The following MAN1A2 variants were observed in gnomAD, a reference collection of about 807,000 sequenced individuals.
MAN1A2 encodes mannosidase alpha class 1A member 2, also known as mannosyl-oligosaccharide 1,2-alpha-mannosidase IB.
MAN1A2 carries 26 observed loss-of-function variants against 75.7 expected under a neutral mutation model. The observed-to-expected ratio is 0.34, with a 90% CI of 0.25 to 0.48. The LOEUF (loss-of-function observed/expected upper bound fraction) is 0.48. Ranked by LOEUF, MAN1A2 falls within the 20% of genes least tolerant of loss-of-function variation. The pLI is 0.99. For missense variants in MAN1A2, 562 were observed against 775.5 expected (o/e 0.72, Z 3.27); for synonymous variants, 247 against 264.6 (o/e 0.93, Z 0.65).
chr1:117,464,724 C>T (rs1387773406), intron 7 of MAN1A2, among the ~76,000 whole-genome samples: 4 of 151,974 alleles, frequency 2.6e-5, no homozygotes, highest in East Asian at 1.9e-4. Context: ...TTTGCGCCTG[C>T]GAACTTTGGT....
chr1:117,407,972 G>C (rs1208376012), intron 3 of MAN1A2, among the ~76,000 whole-genome samples: 1 of 152,140 alleles, frequency 6.6e-6, no homozygotes, highest in African/African-American at 2.4e-5. Flanking sequence ...ATTAGGTCTT[G>C]TGCCCATTGT....
intron 1 of MAN1A2, among the ~76,000 whole-genome samples, chr1:117,397,484 G>A (rs548127525): frequency 5.9e-5 from 9 of 152,080 alleles, no homozygotes; most frequent in African/African-American, 1.7e-4. Flanking sequence ...ATGCTAACAC[G>A]AAGTTAATAG....
rs115957785 is a variant in MAN1A2 at position 117,478,677 on chromosome 1, T to C, written c.1168+12250T>C. Among the ~76,000 whole-genome samples the C allele has an allele frequency of 7.4e-3, 1,119 of 152,132 alleles. 18 individuals are homozygous for C. Among genetic ancestry groups the C allele is most frequent in the African/African-American group, 0.026 (1,071 of 41,554 alleles). ...TCATTGGTTGAAAAGGCTTTCCTTTTTTCACTGCATTGCCTTTGCAGCTTT... is the reference window on the plus strand; with the variant it reads ...TCATTGGTTGAAAAGGCTTTCCTTTCTTCACTGCATTGCCTTTGCAGCTTT... On this transcript the variant is annotated intron_variant, in intron 8 of 12. Coordinates refer to ENST00000356554, the MANE Select transcript of MAN1A2 (RefSeq NM_006699.5).
At chr1:117,481,334 A>G (rs1650489936) in intron 8 of MAN1A2, among the ~76,000 whole-genome samples, 1 of 151,594 alleles carries the variant, frequency 6.6e-6, no homozygotes, top group Non-Finnish European at 1.5e-5. Context: ...AAAAAAAAGG[A>G]ATAGTCTATT....
chr1:117,458,497 C>CTATATA (rs1257024902), intron 6 of MAN1A2, among the ~76,000 whole-genome samples: 18 of 103,784 alleles, frequency 1.7e-4, no homozygotes, highest in African/African-American at 5.9e-4. Context: ...ATATATATAT[C>CTATATA]TATATATATA....
intron 2 of MAN1A2, among the ~76,000 whole-genome samples, chr1:117,402,680 C>T (rs994197144): frequency 3.3e-5 from 5 of 151,364 alleles, no homozygotes; most frequent in Admixed American, 2.0e-4. Flanking sequence ...TGGTTAGTGC[C>T]ACTCATTCTT....
At chr1:117,391,482 G>GTTTATCATTGTTA (rs1653717240) in intron 1 of MAN1A2, among the ~76,000 whole-genome samples, 1 of 152,128 alleles carries the variant, frequency 6.6e-6, no homozygotes, top group African/African-American at 2.4e-5. Context: ...GGTGTGTGAC[G>GTTTATCATTGTTA]TTTATCATTG....
intron 12 of MAN1A2, among the ~76,000 whole-genome samples, chr1:117,510,259 G>A (rs1267690743): frequency 2.6e-5 from 4 of 151,962 alleles, no homozygotes; most frequent in African/African-American, 7.2e-5. Context: ...ATGTGCATTT[G>A]ACATAACTAT....
rs1653485708 is a variant in MAN1A2 at position 117,385,239 on chromosome 1, GA to G, written c.302+16755del. Among the ~76,000 whole-genome samples the G allele has an allele frequency of 2.0e-5, 3 of 152,264 alleles. No homozygotes were observed. The South Asian group carries it at 6.2e-4, about 32-fold the overall frequency. On this transcript the variant is annotated intron_variant, in intron 1 of 12. Transcript: ENST00000356554. ...GGTTTTGCCCCAGGTAGATGAGCAG[GA>G]GGGCATCTTTCCAGTAGTAACAGAG...
intron 3 of MAN1A2, 73 bp from the exon 4 acceptor site, chr1:117,414,640 T>G (rs1647929540): frequency 1.3e-6 from 1 of 747,114 alleles, no homozygotes; most frequent in South Asian, 1.6e-5. Context: ...AAGGGAATCT[T>G]TTTTTTCCCC....
chr1:117,431,797 A>G (rs1193657116), intron 5 of MAN1A2, among the ~76,000 whole-genome samples: 2 of 152,140 alleles, frequency 1.3e-5, no homozygotes, highest in Non-Finnish European at 2.9e-5. Context: ...AACAAATACA[A>G]AAATTAGCCG....
intron 7 of MAN1A2, among the ~76,000 whole-genome samples, chr1:117,464,931 C>T (rs1649937374): frequency 6.6e-6 from 1 of 151,732 alleles, no homozygotes; most frequent in African/African-American, 2.4e-5. Flanking sequence ...AAAGATATTA[C>T]CAGAAAAAAG....
At chr1:117,519,821 TC>T (rs1651819271) in intron 12 of MAN1A2, among the ~76,000 whole-genome samples, 1 of 151,962 alleles carries the variant, frequency 6.6e-6, no homozygotes, top group Non-Finnish European at 1.5e-5. Flanking sequence ...CCTCCCTAAT[TC>T]ATTCTATGAA....
chr1:117,475,143 C>A (rs562987911), intron 8 of MAN1A2, among the ~76,000 whole-genome samples: 21 of 151,966 alleles, frequency 1.4e-4, no homozygotes, highest in African/African-American at 4.6e-4. Context: ...CACTGACTTA[C>A]ACACCTTCAT....
Position 117,502,872 on chromosome 1 carries a change from C to A in MAN1A2, c.1695C>A (p.Cys565Ter). The A allele has an allele frequency of 6.3e-7, 1 of 1,597,816 alleles. No homozygotes were observed. The highest frequency in any genetic ancestry group is 1.7e-5 in the Admixed American group (1 of 59,362). ...WEAALAIEKY[C>*]RVNGGFSGVK... ...TTTCATAGGCCATTGAAAAGTATTG[C>A]CGAGTTAATGGTGGGTTTTCTGGAG... is the stretch of plus-strand genomic sequence containing the variant. The change falls in exon 12 of 13, where the codon TGC becomes TGA. Residue 565 changes from cysteine (C) to a stop codon, truncating the protein, a stop_gained. Coordinates refer to ENST00000356554, the MANE Select transcript of MAN1A2 (RefSeq NM_006699.5). LOFTEE classifies it high-confidence loss of function.
At chr1:117,425,730 A>G (rs1326763005) in intron 5 of MAN1A2, among the ~76,000 whole-genome samples, 1 of 152,196 alleles carries the variant, frequency 6.6e-6, no homozygotes. Flanking sequence ...CAAAAAACCT[A>G]TAGCTAACAA....
At chr1:117,380,569 T>G (rs1477816345) in intron 1 of MAN1A2, among the ~76,000 whole-genome samples, 1 of 152,200 alleles carries the variant, frequency 6.6e-6, no homozygotes, top group African/African-American at 2.4e-5. Flanking sequence ...GAGGTCCAAA[T>G]TAATTATTTT....
At chr1:117,501,742 A>G (rs1341435723) in intron 11 of MAN1A2, among the ~76,000 whole-genome samples, 1 of 151,846 alleles carries the variant, frequency 6.6e-6, no homozygotes, top group Non-Finnish European at 1.5e-5. Flanking sequence ...GATTGATTAA[A>G]TAAACACCTT....
intron 11 of MAN1A2, 61 bp from the exon 12 acceptor site, chr1:117,502,794 T>A: frequency 1.2e-6 from 1 of 836,204 alleles, no homozygotes; most frequent in Non-Finnish European, 2.0e-6. Flanking sequence ...TTCAAAGTTT[T>A]GTTGTCCTTC....
Sources: allele counts gnomAD v4.1 joint callset (sites outside exome capture counted in the v4.1 genomes callset), GRCh38; gene constraint gnomAD v4.1.1; transcripts MANE v1.5; gene names NCBI Gene and HGNC (gene_info 2026-07-23, HGNC 2026-07-21).